Variants in PC observed in about 807,000 individuals in gnomAD.
PC encodes the protein pyruvate carboxylase, mitochondrial.
PC carries 46 observed loss-of-function variants against 107.8 expected under a neutral mutation model. The ratio of observed to expected loss-of-function variants is 0.43; its 90% CI spans 0.34 to 0.55. PC has a LOEUF of 0.55. Ranked by LOEUF, PC falls within the 20% of genes least tolerant of loss-of-function variation. PC has a pLI of 0.04. For missense variants in PC, 1,241 were observed against 1,643.1 expected (o/e 0.76, Z 4.23); for synonymous variants, 662 against 684.7 (o/e 0.97, Z 0.52).
In PC at chr11:66,852,667, T is replaced by TAGAC; in HGVS notation, c.1604-11_1604-8dup. ...AAACCAGCCGGGGGCGGGCCTAGGG[T>TAGAC]AGACAGGGGCATTGGTGCCCATCCT... is the stretch of plus-strand genomic sequence containing the variant. On this transcript the variant is annotated splice_polypyrimidine_tract_variant and splice_region_variant and intron_variant, in intron 14 of 22. Coordinates refer to ENST00000393960, the MANE Select transcript of PC (RefSeq NM_001040716.2). This position sits in a 1 kb window ranked among gnomAD's most constrained non-coding sequence, Gnocchi z 4.7. 1 of 1,613,204 alleles carries TAGAC rather than the reference T, an allele frequency of 6.2e-7. No homozygotes were observed. The highest frequency in any genetic ancestry group is 2.2e-5 in the East Asian group (1 of 44,846).
chr11:66,915,307 A>G (rs1328686367), intron 3 of PC, among the ~76,000 whole-genome samples: 1 of 152,160 alleles, frequency 6.6e-6, no homozygotes. Flanking sequence ...CCACAGTGGG[A>G]GGGAGGCTTC....
intron 3 of PC, among the ~76,000 whole-genome samples, chr11:66,926,900 A>G (rs1267317447): frequency 6.6e-6 from 1 of 151,766 alleles, no homozygotes; most frequent in African/African-American, 2.4e-5. Flanking sequence ...ACTCCTTTTT[A>G]TGGCTGAACA....
rs185385818 is a variant in PC, at chr11:66,904,665, G to A, written c.1-32506C>T. ...AACACACACACACACAAAAAGACAC[G>A]AGTTCTAATGAAAGAGAAAGGACAA... On this transcript the variant is annotated intron_variant, in intron 3 of 22. Transcript: ENST00000393960. Among the ~76,000 whole-genome samples, 185 of 152,302 alleles carry A rather than the reference G, an allele frequency of 1.2e-3. 1 individual carries two copies. The highest frequency in any genetic ancestry group is 4.3e-3 in the African/African-American group (180 of 41,590).
intron 3 of PC, among the ~76,000 whole-genome samples, chr11:66,899,644 T>C (rs1947880243): frequency 6.6e-6 from 1 of 152,228 alleles, no homozygotes; most frequent in Non-Finnish European, 1.5e-5. Context: ...CCAAGAGTTC[T>C]TGAGGTAGTC....
At chr11:66,918,557 G>A (rs1948517849) in intron 3 of PC, among the ~76,000 whole-genome samples, 1 of 151,796 alleles carries the variant, frequency 6.6e-6, no homozygotes, top group South Asian at 2.1e-4. Flanking sequence ...TATTTTTGTA[G>A]AGATGGGGTT....
chr11:66,951,138 C>G (rs1008804016), intron 3 of PC, among the ~76,000 whole-genome samples: 1 of 152,116 alleles, frequency 6.6e-6, no homozygotes, highest in East Asian at 1.9e-4. Context: ...CAGAGGAAAA[C>G]CCCCACATAA....
chr11:66,871,574 C>T lies in PC; in HGVS notation c.322-94G>A, dbSNP rs960323349. ...CCTGCCTAACCTGCTGAGCTGCATC[C>T]GTTTACCCACCCACGCACAGAGGCG... On this transcript the variant is annotated intron_variant, in intron 5 of 22. Coordinates refer to ENST00000393960, the MANE Select transcript of PC (RefSeq NM_001040716.2). This position sits in a 1 kb window ranked among gnomAD's most constrained non-coding sequence, Gnocchi z 7.4. 1.6e-4 allele frequency: 254 copies of T among 1,588,482 alleles called. No homozygotes were observed. The Middle Eastern group carries it at 2.3e-3, about 15-fold the overall frequency.
chr11:66,946,129 G>A (rs2136143646), intron 3 of PC, among the ~76,000 whole-genome samples: 1 of 149,016 alleles, frequency 6.7e-6, no homozygotes, highest in Non-Finnish European at 1.5e-5. Context: ...TCTGTGTGTT[G>A]TCTGTTACTT....
chr11:66,954,887 G>C (rs1949521763), intron 1 of PC, among the ~76,000 whole-genome samples: 1 of 151,872 alleles, frequency 6.6e-6, no homozygotes, highest in Non-Finnish European at 1.5e-5. Context: ...AGGCTGCAGT[G>C]AGCCAAGATG....
At chr11:66,903,217 C>T (rs1233348789) in intron 3 of PC, among the ~76,000 whole-genome samples, 1 of 152,158 alleles carries the variant, frequency 6.6e-6, no homozygotes, top group African/African-American at 2.4e-5. Flanking sequence ...TAGTCCCAAT[C>T]CAGAAGCGAT....
chr11:66,884,286 T>C (rs1332405722), intron 3 of PC, among the ~76,000 whole-genome samples: 1 of 148,154 alleles, frequency 6.7e-6, no homozygotes, highest in African/African-American at 2.5e-5. Context: ...GTGGTGCCCA[T>C]AGATAGTCTC....
In PC at chr11:66,857,474, C is replaced by T; in HGVS notation, c.1369-4091G>A. ...TCCGGGACCCTCCCTGCTCTCGGTC[C>T]TCCTCCGCTTCCTGCCTCATGCCTC... On this transcript the variant is annotated intron_variant, in intron 12 of 22. Transcript: ENST00000393960. This position sits in a 1 kb window ranked among gnomAD's most constrained non-coding sequence, Gnocchi z 7.1. 1 of 439,234 alleles carries T rather than the reference C, an allele frequency of 2.3e-6. No individual in the cohort carries two copies. The highest frequency in any genetic ancestry group is 3.4e-5 in the East Asian group (1 of 29,138). 27.2% of individuals were successfully genotyped at this position (439,234 alleles called of 1,614,324 possible). A position where few individuals can be genotyped will look rare whatever the true frequency, so the allele number is the denominator to read the frequency against.
At position 66,852,899 on chromosome 11, in the gene PC, T is replaced by A; in HGVS notation, c.1514-63A>T. 4 of 1,229,582 alleles carry A rather than the reference T, an allele frequency of 3.3e-6. No individual in the cohort carries two copies. The highest frequency in any genetic ancestry group is 4.6e-6 in the Non-Finnish European group (4 of 870,140). 76.2% of individuals were successfully genotyped at this position (1,229,582 alleles called of 1,614,324 possible). A position where few individuals can be genotyped will look rare whatever the true frequency, so the allele number is the denominator to read the frequency against. On this transcript the variant is annotated intron_variant, in intron 13 of 22. Transcript: ENST00000393960. This position sits in a 1 kb window ranked among gnomAD's most constrained non-coding sequence, Gnocchi z 4.7. ...GCAGAGGCTGAGTCGAGGGCAGCAG[T>A]GAGAGTGGCTGGGCTCAGGGACAGG... is the stretch of plus-strand genomic sequence containing the variant.
chr11:66,858,762 G>A lies in PC; in HGVS notation c.1368+5012C>T. 6.4e-7 allele frequency: 1 copy of A among 1,552,540 alleles called. No individual in the cohort carries two copies. The highest frequency in any genetic ancestry group is 2.4e-5 in the East Asian group (1 of 41,318). Reference sequence around the variant, plus strand: ...CCCCAACGGGACCTTAGAGATTGGGGTGACCGGCGCTGGGGACGCTGGGGG... The same window carrying A: ...CCCCAACGGGACCTTAGAGATTGGGATGACCGGCGCTGGGGACGCTGGGGG... On this transcript the variant is annotated intron_variant, in intron 12 of 22. Coordinates refer to ENST00000393960, the MANE Select transcript of PC (RefSeq NM_001040716.2). The surrounding 1 kb of genome is among the most constrained non-coding windows in gnomAD (Gnocchi z 5.9).
At chr11:66,915,543 G>A (rs1049745576) in intron 3 of PC, among the ~76,000 whole-genome samples, 2 of 152,216 alleles carry the variant, frequency 1.3e-5, no homozygotes, top group Admixed American at 1.3e-4. Flanking sequence ...TAAGCCACAC[G>A]GCAGCCCCTG....
intron 12 of PC, chr11:66,860,452 A>G (rs1202657137): frequency 1.4e-6 from 1 of 704,728 alleles, no homozygotes. Flanking sequence ...TTTTATTTAT[A>G]ATAAAATTGT....
intron 3 of PC, among the ~76,000 whole-genome samples, chr11:66,932,016 C>G (rs1948868284): frequency 7.6e-6 from 1 of 132,248 alleles, no homozygotes; most frequent in South Asian, 2.3e-4. Context: ...GAGACTCTGT[C>G]TCAAAAAAAA....
chr11:66,944,711 C>T lies in PC; in HGVS notation c.-1+7719G>A, dbSNP rs1008191963. On this transcript the variant is annotated intron_variant, in intron 3 of 22. Transcript: ENST00000393960. ...TGCCACAATTTTTTAAAATGGGGGACGAAAAACTCTTGCAGCGCAAAAACC... is the reference window on the plus strand; with the variant it reads ...TGCCACAATTTTTTAAAATGGGGGATGAAAAACTCTTGCAGCGCAAAAACC... Among the ~76,000 whole-genome samples the T allele has an allele frequency of 6.0e-5, 7 of 117,288 alleles. 2 individuals are homozygous for T. In the South Asian group the frequency reaches 7.3e-4, roughly 12 times the overall value. 76.9% of individuals were successfully genotyped at this position (117,288 alleles called of 152,430 possible).
rs990980854 is a variant in PC, at chr11:66,866,114, C to T, written c.1185+73G>A. 48 of 1,540,002 alleles carry T rather than the reference C, an allele frequency of 3.1e-5. No individual in the cohort carries two copies. The highest frequency in any genetic ancestry group is 3.8e-5 in the Non-Finnish European group (43 of 1,134,974). ...ACTGCCGGGCTGTGGCAACTTGGCACTGCAGCCCCAGGCACCAGGCAGAAC... is the reference window on the plus strand; with the variant it reads ...ACTGCCGGGCTGTGGCAACTTGGCATTGCAGCCCCAGGCACCAGGCAGAAC... On this transcript the variant is annotated intron_variant, in intron 11 of 22. Coordinates refer to ENST00000393960, the MANE Select transcript of PC (RefSeq NM_001040716.2). This position sits in a 1 kb window ranked among gnomAD's most constrained non-coding sequence, Gnocchi z 5.4.
Sources: allele counts gnomAD v4.1 joint callset (sites outside exome capture counted in the v4.1 genomes callset), GRCh38; gene constraint gnomAD v4.1.1; non-coding constraint Gnocchi (gnomAD v3.1); transcripts MANE v1.5; gene names NCBI Gene and HGNC (gene_info 2026-07-23, HGNC 2026-07-21).